The following TRIM5 variants were observed in gnomAD, a reference collection of about 807,000 sequenced individuals.
The protein encoded by TRIM5 is tripartite motif-containing protein 5.
Under a neutral mutation model 35.6 loss-of-function variants are expected in TRIM5, and 31 were observed. The observed-to-expected ratio is 0.87, with a 90% CI of 0.65 to 1.18. The LOEUF (loss-of-function observed/expected upper bound fraction) is 1.18. TRIM5 is among the 50% of genes most tolerant of loss of function. The probability of loss-of-function intolerance (pLI) is 0.00; values close to 1 mark genes in which losing one functional copy is unlikely to be tolerated. For missense variants in TRIM5, 609 were observed against 591.6 expected (o/e 1.03, Z -0.31); for synonymous variants, 243 against 215.6 (o/e 1.13, Z -1.11).
At chr11:5,662,965 C>T (rs1324766141), downstream of TRIM5, among the ~76,000 whole-genome samples, 3 of 152,140 alleles carry the variant, frequency 2.0e-5, no homozygotes, top group East Asian at 5.8e-4. Context: ...CCTGTCTCTA[C>T]CAAAAATACA....
At chr11:5,632,567 A>G in the TRIM5 span, 1 of 1,613,962 alleles carries the variant, frequency 6.2e-7, no homozygotes, top group Non-Finnish European at 8.5e-7. Context: ...AACATAGTGG[A>G]GAGACTCAAG....
chr11:5,664,380 T>G lies in TRIM5; in HGVS notation c.*429A>C. 1.0e-6 allele frequency: 1 copy of G among 995,010 alleles called. No homozygotes were observed. Among genetic ancestry groups the G allele is most frequent in the Non-Finnish European group, 1.2e-6 (1 of 835,516 alleles). The allele number at this position is 995,010 out of a possible 1,614,324, so 61.6% of individuals were successfully genotyped here. ...TGATATTTTCTCTTTAACTCACAAA[T>G]AAGGGCATCGAGGGTAAACTGACAC... is the stretch of plus-strand genomic sequence containing the variant. On this transcript the variant is annotated 3_prime_UTR_variant, in exon 8 of 8. Transcript: ENST00000380034.
At chr11:5,591,901 G>C in the TRIM5 span, among the ~76,000 whole-genome samples, 45,761 of 151,586 alleles carry the variant, frequency 0.3, 7,131 homozygotes, top group East Asian at 0.47. Context: ...GCCCCGGGGG[G>C]CTGTGGCAAT....
At chr11:5,641,166 G>A in the TRIM5 span, 2 of 1,612,688 alleles carry the variant, frequency 1.2e-6, no homozygotes, top group East Asian at 4.5e-5. Context: ...TTTCTTTCTA[G>A]GACATGAGTG....
At chr11:5,610,596 A>G in the TRIM5 span, 9 of 1,604,302 alleles carry the variant, frequency 5.6e-6, no homozygotes, top group Admixed American at 1.3e-4. Context: ...GGGCTGGCAC[A>G]TTCTGATCTC....
chr11:5,624,410 G>A, the TRIM5 span, among the ~76,000 whole-genome samples: 18 of 152,040 alleles, frequency 1.2e-4, no homozygotes, highest in African/African-American at 2.9e-4. Context: ...CCACCTCTCC[G>A]CCACCCATCC....
the TRIM5 span, among the ~76,000 whole-genome samples, chr11:5,652,852 C>CTTTTTTT: frequency 3.5e-5 from 5 of 143,672 alleles, no homozygotes; most frequent in Admixed American, 1.4e-4. Context: ...TTTTCTTTTT[C>CTTTTTTT]TTTTTTTTTT....
chr11:5,647,239 G>T, the TRIM5 span, among the ~76,000 whole-genome samples: 2 of 152,142 alleles, frequency 1.3e-5, no homozygotes, highest in African/African-American at 4.8e-5. Context: ...TCTGAATTTT[G>T]TGTGTTTAGA....
chr11:5,600,641 G>A, the TRIM5 span, among the ~76,000 whole-genome samples: 3 of 152,152 alleles, frequency 2.0e-5, no homozygotes, highest in African/African-American at 7.2e-5. Context: ...AGGTCCTCAA[G>A]ATGGGGGTAA....
At chr11:5,622,477 C>G in the TRIM5 span, among the ~76,000 whole-genome samples, 1 of 107,392 alleles carries the variant, frequency 9.3e-6, no homozygotes, top group African/African-American at 3.4e-5. Context: ...GAAAAATTAG[C>G]TGGACGTGGT....
chr11:5,681,328 G>A lies in TRIM5; in HGVS notation c.-61-1090C>T, dbSNP rs143631557. ...TTTTTATTTCTGCGTACAGGGAGAA[G>A]GCCTAGAAAATATCTCCAGACCAAC... On this transcript the variant is annotated intron_variant, in intron 1 of 7. Transcript: ENST00000380034. Among the ~76,000 whole-genome samples the A allele has an allele frequency of 4.3e-3, 656 of 152,298 alleles. 8 individuals are homozygous for A. The highest frequency in any genetic ancestry group is 0.015 in the African/African-American group (631 of 41,560).
chr11:5,669,651 T>G (rs544143097), intron 4 of TRIM5, among the ~76,000 whole-genome samples: 2 of 152,294 alleles, frequency 1.3e-5, no homozygotes, highest in African/African-American at 4.8e-5. Flanking sequence ...TTGGAAAGGG[T>G]AATTACAATT....
chr11:5,603,916 A>T, the TRIM5 span, among the ~76,000 whole-genome samples: 12 of 152,016 alleles, frequency 7.9e-5, no homozygotes, highest in Non-Finnish European at 1.5e-4. Flanking sequence ...GATTGAGTAG[A>T]TAGAGCTGCT....
At chr11:5,632,436 C>T in the TRIM5 span, 10 of 1,613,878 alleles carry the variant, frequency 6.2e-6, no homozygotes, top group Non-Finnish European at 8.5e-6. Flanking sequence ...ACAGCCTCTG[C>T]CGAGCCTGCA....
chr11:5,680,378 G>T, intron 1 of TRIM5, 140 bp from the exon 2 acceptor site: 1 of 547,274 alleles, frequency 1.8e-6, no homozygotes, highest in Non-Finnish European at 3.1e-6. Flanking sequence ...AAGGTGTTTG[G>T]TTACCTGGTA....
chr11:5,617,486 CTT>C, the TRIM5 span, among the ~76,000 whole-genome samples: 77 of 107,454 alleles, frequency 7.2e-4, 1 homozygote, highest in Non-Finnish European at 1.0e-3. Context: ...TGGACTCAAT[CTT>C]TTTTTTTTTT....
At chr11:5,677,019 G>T (rs1470357157) in intron 4 of TRIM5, among the ~76,000 whole-genome samples, 2 of 152,258 alleles carry the variant, frequency 1.3e-5, no homozygotes, top group East Asian at 1.9e-4. Flanking sequence ...AACCTAGGCA[G>T]TACCATTCAG....
the TRIM5 span, among the ~76,000 whole-genome samples, chr11:5,609,650 C>T: frequency 2.2e-4 from 34 of 152,278 alleles, no homozygotes; most frequent in East Asian, 6.6e-3. Context: ...TGGACAGGCG[C>T]AGTGACTCAC....
Position 5,680,232 on chromosome 11 carries a change from C to G in TRIM5, c.-55G>C, listed in dbSNP as rs1378766319. 1 of 1,510,096 alleles carries G rather than the reference C, an allele frequency of 6.6e-7. No individual in the cohort carries two copies. Among genetic ancestry groups the G allele is most frequent in the African/African-American group, 1.4e-5 (1 of 71,924 alleles). 93.5% of individuals were successfully genotyped at this position (1,510,096 alleles called of 1,614,324 possible). The stretch of plus-strand genomic sequence containing the variant: ...TGGCTGCTGAGGTTCCTCTTGTTCA[C>G]AGATCCCTGCATGATTGGGAAGGTT... On this transcript the variant is annotated 5_prime_UTR_variant, in exon 2 of 8. Transcript: ENST00000380034.
Sources: gnomAD v4.1 joint callset for allele counts (sites outside exome capture counted in the v4.1 genomes callset) on GRCh38, gnomAD v4.1.1 for gene constraint, MANE v1.5 for transcripts, NCBI Gene and HGNC (gene_info 2026-07-23, HGNC 2026-07-21) for gene names.